Variants in SGMS1 observed in about 807,000 individuals in gnomAD.
The protein encoded by SGMS1 is sphingomyelin synthase 1.
A neutral mutation model predicts 46.2 loss-of-function variants in SGMS1; 13 were observed. The ratio of observed to expected loss-of-function variants is 0.28; its 90% CI spans 0.18 to 0.45. The LOEUF (loss-of-function observed/expected upper bound fraction) is 0.45, where lower values mean the gene tolerates loss of function less well. Ranked by LOEUF, SGMS1 falls within the 20% of genes least tolerant of loss-of-function variation. The pLI is 1.00. For synonymous variants in SGMS1, 203 were observed against 187.8 expected, an observed-to-expected ratio of 1.08 and a Z score of -0.66; for missense variants, 324 against 519.9, an observed-to-expected ratio of 0.62 and a Z score of 3.66.
chr10:50,413,859 C>T (rs1372880344), intron 6 of SGMS1, among the ~76,000 whole-genome samples: 2 of 152,188 alleles, frequency 1.3e-5, no homozygotes, highest in African/African-American at 4.8e-5. Flanking sequence ...AACTATAGCT[C>T]CTTAACAGAA....
At chr10:50,551,233 G>A (rs1838146360) in intron 2 of SGMS1, among the ~76,000 whole-genome samples, 4 of 151,654 alleles carry the variant, frequency 2.6e-5, no homozygotes, top group Admixed American at 6.6e-5. Flanking sequence ...GATATAATAC[G>A]ATGAAAATGG....
intron 2 of SGMS1, among the ~76,000 whole-genome samples, chr10:50,566,418 A>G (rs894740143): frequency 1.3e-5 from 2 of 152,216 alleles, no homozygotes; most frequent in African/African-American, 4.8e-5. Context: ...CAGAAAACAT[A>G]TTGATTTTTA....
rs1161093494 is a variant in SGMS1, at chr10:50,306,628, T to C, written c.*514A>G. 1 of 152,864 alleles carries C rather than the reference T, an allele frequency of 6.5e-6. No individual in the cohort carries two copies. The highest frequency in any genetic ancestry group is 1.5e-5 in the Non-Finnish European group (1 of 68,086). 9.5% of individuals were successfully genotyped at this position (152,864 alleles called of 1,614,324 possible). ...AAGTTACCAAACCTTTCTGTGTCTATCATTTTTATTTGAATATCGGTGCAA... is the reference window on the plus strand; with the variant it reads ...AAGTTACCAAACCTTTCTGTGTCTACCATTTTTATTTGAATATCGGTGCAA... On this transcript the variant is annotated 3_prime_UTR_variant, in exon 11 of 11. Transcript: ENST00000361781.
At chr10:50,481,756 T>C (rs1405941268) in intron 3 of SGMS1, among the ~76,000 whole-genome samples, 1 of 152,084 alleles carries the variant, frequency 6.6e-6, no homozygotes, top group African/African-American at 2.4e-5. Context: ...TCTAACCCAA[T>C]GCAAAAAGGC....
intron 1 of SGMS1, among the ~76,000 whole-genome samples, chr10:50,623,357 G>A (rs1486841662): frequency 6.6e-6 from 1 of 152,098 alleles, no homozygotes; most frequent in Non-Finnish European, 1.5e-5. Flanking sequence ...GCCCCAATCC[G>A]ACACCAGGCA....
intron 6 of SGMS1, among the ~76,000 whole-genome samples, chr10:50,403,505 C>G (rs918858508): frequency 6.6e-6 from 1 of 152,110 alleles, no homozygotes; most frequent in Non-Finnish European, 1.5e-5. Context: ...ATCCTCTGCT[C>G]TTGCTCTTCT....
chr10:50,442,970 T>C (rs1204519321), intron 5 of SGMS1, among the ~76,000 whole-genome samples: 1 of 152,238 alleles, frequency 6.6e-6, no homozygotes, highest in Non-Finnish European at 1.5e-5. Flanking sequence ...AATTTGAGCT[T>C]CCTGCTTTAC....
chr10:50,475,625 A>G (rs962438011), intron 3 of SGMS1, among the ~76,000 whole-genome samples: 3 of 152,132 alleles, frequency 2.0e-5, no homozygotes, highest in Non-Finnish European at 2.9e-5. Context: ...GAATTGTACA[A>G]TTTTGGACGT....
At chr10:50,559,480 T>C (rs552248927) in intron 2 of SGMS1, among the ~76,000 whole-genome samples, 1 of 152,250 alleles carries the variant, frequency 6.6e-6, no homozygotes, top group Non-Finnish European at 1.5e-5. Flanking sequence ...TATAGCTCTC[T>C]TGGCCAATTC....
At chr10:50,315,451 G>A (rs1351490787) in intron 8 of SGMS1, among the ~76,000 whole-genome samples, 1 of 152,120 alleles carries the variant, frequency 6.6e-6, no homozygotes, top group African/African-American at 2.4e-5. Flanking sequence ...TTTGAAATCA[G>A]GCAGGAAATG....
chr10:50,424,072 G>C (rs1241049041), intron 6 of SGMS1, among the ~76,000 whole-genome samples: 2 of 152,194 alleles, frequency 1.3e-5, no homozygotes, highest in Non-Finnish European at 2.9e-5. Context: ...ATCAAGACAA[G>C]TCAGAGCCAG....
At chr10:50,455,770 G>A (rs74630612) in intron 5 of SGMS1, among the ~76,000 whole-genome samples, 4,567 of 152,256 alleles carry the variant, frequency 0.03, 102 homozygotes, top group Non-Finnish European at 0.047. Flanking sequence ...ACATCACTCT[G>A]ATGGAAAGAG....
At chr10:50,616,924 C>T (rs1315811503) in intron 1 of SGMS1, among the ~76,000 whole-genome samples, 1 of 152,196 alleles carries the variant, frequency 6.6e-6, no homozygotes, top group African/African-American at 2.4e-5. Flanking sequence ...CAATGCCCAT[C>T]ACACTTTCCT....
At chr10:50,529,334 T>A (rs2133801523) in intron 2 of SGMS1, among the ~76,000 whole-genome samples, 1 of 152,278 alleles carries the variant, frequency 6.6e-6, no homozygotes, top group African/African-American at 2.4e-5. Flanking sequence ...GTAATTGCCA[T>A]CCCTGAAACG....
At chr10:50,568,526 A>G (rs942876385) in intron 2 of SGMS1, among the ~76,000 whole-genome samples, 1 of 152,098 alleles carries the variant, frequency 6.6e-6, no homozygotes, top group Admixed American at 6.5e-5. Context: ...TCACCTTCCT[A>G]AACTGCCTTA....
chr10:50,476,972 G>A (rs1588846478), intron 3 of SGMS1, among the ~76,000 whole-genome samples: 3 of 152,380 alleles, frequency 2.0e-5, no homozygotes, highest in Non-Finnish European at 4.4e-5. Context: ...AGTGCAGAGG[G>A]GAAATGTAGG....
At chr10:50,443,821 G>A (rs1383409388) in intron 5 of SGMS1, among the ~76,000 whole-genome samples, 3 of 152,006 alleles carry the variant, frequency 2.0e-5, no homozygotes, top group Admixed American at 6.6e-5. Flanking sequence ...TATATAGTTT[G>A]TGACATATAT....
At chr10:50,425,355 T>A (rs944115779) in intron 6 of SGMS1, among the ~76,000 whole-genome samples, 2 of 152,166 alleles carry the variant, frequency 1.3e-5, no homozygotes, top group Non-Finnish European at 2.9e-5. Context: ...TAGGTGCCCA[T>A]CAATGGTAGA....
chr10:50,408,202 C>T (rs1186236185), intron 6 of SGMS1, among the ~76,000 whole-genome samples: 2 of 152,138 alleles, frequency 1.3e-5, no homozygotes, highest in Non-Finnish European at 2.9e-5. Context: ...TGAGGAAGGC[C>T]TTCTGCTGCT....
Sources: gnomAD v4.1 joint callset for allele counts (sites outside exome capture counted in the v4.1 genomes callset) on GRCh38, gnomAD v4.1.1 for gene constraint, MANE v1.5 for transcripts, NCBI Gene and HGNC (gene_info 2026-07-23, HGNC 2026-07-21) for gene names.